Variants in C1QTNF3 observed in about 807,000 individuals in gnomAD.
C1QTNF3 encodes the protein complement C1q tumor necrosis factor-related protein 3.
C1QTNF3 carries 26 observed loss-of-function variants against 32.6 expected under a neutral mutation model. That is an observed-to-expected ratio of 0.80 (90% CI 0.58 to 1.11). The LOEUF (loss-of-function observed/expected upper bound fraction) is 1.11. Ranked by LOEUF, C1QTNF3 falls within the 50% of genes least tolerant of loss-of-function variation. C1QTNF3 has a pLI of 0.00. For missense variants in C1QTNF3, 362 were observed against 398.2 expected, an observed-to-expected ratio of 0.91 and a Z score of 0.77; for synonymous variants, 155 against 146.0, an observed-to-expected ratio of 1.06 and a Z score of -0.44.
chr5:34,115,790 C>G, the C1QTNF3 span, among the ~76,000 whole-genome samples: 2 of 151,340 alleles, frequency 1.3e-5, no homozygotes, highest in Admixed American at 1.3e-4. Context: ...CTTTTTCACA[C>G]CCTATAATTC....
At chr5:34,068,723 T>A in the C1QTNF3 span, among the ~76,000 whole-genome samples, 1 of 152,166 alleles carries the variant, frequency 6.6e-6, no homozygotes, top group Non-Finnish European at 1.5e-5. Flanking sequence ...GATATAATGC[T>A]GTATAATGTA....
At chr5:34,036,379 T>TTA (rs967061368) in intron 1 of C1QTNF3, among the ~76,000 whole-genome samples, 1 of 152,126 alleles carries the variant, frequency 6.6e-6, no homozygotes, top group African/African-American at 2.4e-5. Context: ...CAACTAGAAA[T>TTA]TATATATATA....
upstream of C1QTNF3, among the ~76,000 whole-genome samples, chr5:34,047,252 C>T (rs962311600): frequency 9.9e-5 from 15 of 152,212 alleles, no homozygotes; most frequent in Admixed American, 7.2e-4. Context: ...GCCCCAAGGG[C>T]CCAGTTAGGA....
intron 3 of C1QTNF3, among the ~76,000 whole-genome samples, chr5:34,029,282 C>T (rs1011070677): frequency 7.9e-5 from 12 of 151,532 alleles, no homozygotes; most frequent in South Asian, 2.1e-4. Flanking sequence ...TATTTTTTCC[C>T]GAAAAGATAC....
the C1QTNF3 span, among the ~76,000 whole-genome samples, chr5:34,054,782 C>G: frequency 1.3e-5 from 2 of 152,164 alleles, no homozygotes; most frequent in African/African-American, 4.8e-5. Flanking sequence ...TGTCTGTCTC[C>G]TTTTTGGTTT....
chr5:34,066,674 C>T, the C1QTNF3 span, among the ~76,000 whole-genome samples: 1 of 151,922 alleles, frequency 6.6e-6, no homozygotes, highest in Non-Finnish European at 1.5e-5. Context: ...AATATTTAAA[C>T]CATACTCAAT....
chr5:34,035,242 G>A (rs1273972724), intron 2 of C1QTNF3, among the ~76,000 whole-genome samples: 1 of 152,154 alleles, frequency 6.6e-6, no homozygotes, highest in Non-Finnish European at 1.5e-5. Flanking sequence ...TTTCCATGAG[G>A]TCAAGAGTGG....
At chr5:34,052,060 C>A in the C1QTNF3 span, among the ~76,000 whole-genome samples, 2 of 152,148 alleles carry the variant, frequency 1.3e-5, no homozygotes, top group Non-Finnish European at 2.9e-5. Flanking sequence ...GTTGCTCGAA[C>A]CCCGGAGGTG....
the C1QTNF3 span, among the ~76,000 whole-genome samples, chr5:34,146,517 C>A: frequency 6.6e-6 from 1 of 152,138 alleles, no homozygotes; most frequent in Admixed American, 6.5e-5. Flanking sequence ...AAGACTCACA[C>A]TTACAATCAC....
At chr5:34,214,247 G>A in the C1QTNF3 span, among the ~76,000 whole-genome samples, 1 of 151,988 alleles carries the variant, frequency 6.6e-6, no homozygotes, top group Admixed American at 6.6e-5. Context: ...AAAGCCAGGA[G>A]TAAAATTAAG....
intron 1 of C1QTNF3, among the ~76,000 whole-genome samples, chr5:34,040,693 C>T (rs1186832394): frequency 6.6e-6 from 1 of 152,126 alleles, no homozygotes; most frequent in South Asian, 2.1e-4. Flanking sequence ...CTAGCAGAAT[C>T]CTTCTTGGCA....
the C1QTNF3 span, among the ~76,000 whole-genome samples, chr5:34,072,848 G>C: frequency 3.3e-5 from 5 of 152,046 alleles, no homozygotes; most frequent in Non-Finnish European, 7.4e-5. Context: ...AGCAAGTTAT[G>C]AATATTCATT....
chr5:34,027,849 C>T (rs299600), intron 4 of C1QTNF3, among the ~76,000 whole-genome samples: 15,927 of 148,234 alleles, frequency 0.11, 970 homozygotes, highest in East Asian at 0.17. Flanking sequence ...GAAGTAATGA[C>T]GTGAAAAGAT....
the C1QTNF3 span, chr5:34,124,259 T>C: frequency 4.0e-6 from 2 of 498,992 alleles, no homozygotes; most frequent in Non-Finnish European, 3.6e-6. Flanking sequence ...GTAAACTTTT[T>C]AGATTTATTT....
chr5:34,023,533 G>A (rs989275380), intron 5 of C1QTNF3, among the ~76,000 whole-genome samples: 10 of 152,190 alleles, frequency 6.6e-5, no homozygotes, highest in Admixed American at 5.9e-4. Flanking sequence ...TGTAAGAAAG[G>A]TGTCGGCTCT....
the C1QTNF3 span, among the ~76,000 whole-genome samples, chr5:34,057,181 C>T: frequency 6.6e-6 from 1 of 152,166 alleles, no homozygotes; most frequent in African/African-American, 2.4e-5. Context: ...GATCCAAAGA[C>T]CACACTTTGA....
chr5:34,020,248 C>A lies in C1QTNF3; in HGVS notation c.*335G>T. 4.9e-6 allele frequency: 1 copy of A among 202,688 alleles called. No individual in the cohort carries two copies. 12.6% of individuals were successfully genotyped at this position (202,688 alleles called of 1,614,324 possible). On this transcript the variant is annotated 3_prime_UTR_variant, in exon 6 of 6. Transcript: ENST00000382065. Reference sequence around the variant, plus strand: ...CTGAAAACTGGTATTAAATTAAAAGCAGAGTAGTCAAAATTCTTTGCAAAT... The same window carrying A: ...CTGAAAACTGGTATTAAATTAAAAGAAGAGTAGTCAAAATTCTTTGCAAAT...
chr5:34,116,515 T>TTGGA, the C1QTNF3 span, among the ~76,000 whole-genome samples: 1 of 100,936 alleles, frequency 9.9e-6, no homozygotes, highest in Admixed American at 1.0e-4. Flanking sequence ...TGTTAAATGC[T>TTGGA]TAAATTTTAT....
chr5:34,076,833 G>T, the C1QTNF3 span, among the ~76,000 whole-genome samples: 2 of 151,304 alleles, frequency 1.3e-5, no homozygotes, highest in Admixed American at 1.3e-4. Context: ...GTTGACCTTG[G>T]CATAGTTGGT....
Sources: allele counts gnomAD v4.1 joint callset (sites outside exome capture counted in the v4.1 genomes callset), GRCh38; gene constraint gnomAD v4.1.1; transcripts MANE v1.5; gene names NCBI Gene and HGNC (gene_info 2026-07-23, HGNC 2026-07-21).